Variants in SLC25A48 observed in about 807,000 individuals in gnomAD.
SLC25A48 encodes CTC-321K16.1.
Under a neutral mutation model 32.2 loss-of-function variants are expected in SLC25A48, and 29 were observed. The ratio of observed to expected loss-of-function variants is 0.90; its 90% CI spans 0.67 to 1.23. SLC25A48 has a LOEUF of 1.23. Ranked by LOEUF, SLC25A48 falls within the 50% of genes most tolerant of loss-of-function variation. The pLI, the probability that SLC25A48 is intolerant of heterozygous loss-of-function variation, is 0.00. For synonymous variants in SLC25A48, 164 were observed against 172.3 expected (o/e 0.95, Z 0.38); for missense variants, 399 against 422.7 (o/e 0.94, Z 0.49).
chr5:135,708,643 A>G (rs1372587702), intron 3 of SLC25A48, among the ~76,000 whole-genome samples: 2 of 152,184 alleles, frequency 1.3e-5, no homozygotes, highest in Non-Finnish European at 2.9e-5. Flanking sequence ...GCTGGGTTCG[A>G]GTCTACAACA....
chr5:135,787,276 T>A (rs1756871540), intron 3 of SLC25A48, among the ~76,000 whole-genome samples: 1 of 152,110 alleles, frequency 6.6e-6, no homozygotes, highest in African/African-American at 2.4e-5. Flanking sequence ...ATCACAGTGC[T>A]TATACAGCCT....
intron 1 of SLC25A48, among the ~76,000 whole-genome samples, chr5:135,588,241 A>G (rs1436285066): frequency 6.6e-6 from 1 of 152,260 alleles, no homozygotes; most frequent in Admixed American, 6.5e-5. Context: ...TTCTTTAAAC[A>G]TGTATTTGAG....
Position 135,800,045 on chromosome 5 carries a change from T to C in SLC25A48, c.-520-12478T>C, listed in dbSNP as rs1053084088. Among the ~76,000 whole-genome samples, 3 of 151,836 alleles carry C rather than the reference T, an allele frequency of 2.0e-5. No individual in the cohort carries two copies. In the South Asian group the frequency reaches 6.2e-4, roughly 31 times the overall value. Reference sequence around the variant, plus strand: ...TCCAGGGGGGACAGGATGATATTACTCCCAATATTGCAGGAACTGTACACC... The same window carrying C: ...TCCAGGGGGGACAGGATGATATTACCCCCAATATTGCAGGAACTGTACACC... On this transcript the variant is annotated intron_variant, in intron 3 of 10. Coordinates refer to the SLC25A48 transcript ENST00000646290.
At chr5:135,670,135 A>G (rs2126941260) in intron 3 of SLC25A48, among the ~76,000 whole-genome samples, 1 of 152,318 alleles carries the variant, frequency 6.6e-6, no homozygotes, top group African/African-American at 2.4e-5. Flanking sequence ...ATTTCAGGGC[A>G]GTAGACCTGA....
At chr5:135,789,633 T>C (rs920826631) in intron 3 of SLC25A48, among the ~76,000 whole-genome samples, 1 of 150,184 alleles carries the variant, frequency 6.7e-6, no homozygotes, top group African/African-American at 2.5e-5. Context: ...TGGCGGGGGG[T>C]GTACAGCCTT....
At chr5:135,862,220 C>T (rs1182731827) in intron 4 of SLC25A48, among the ~76,000 whole-genome samples, 1 of 152,238 alleles carries the variant, frequency 6.6e-6, no homozygotes, top group Non-Finnish European at 1.5e-5. Context: ...CCATGTCCTT[C>T]CTAGAAGTTC....
rs75244523 is a variant in SLC25A48, at chr5:135,837,148, G to T, written c.46+2255G>T. On this transcript the variant is annotated intron_variant, in intron 1 of 7. Coordinates refer to ENST00000681962, the MANE Select transcript of SLC25A48 (RefSeq NM_001349336.2). ...TTGGCCCAAGGCTGGATCTAAGCCT[G>T]CCCTGAGCTGAAGGATGTGTGCACT... 3.8e-4 allele frequency among the ~76,000 whole-genome samples: 58 copies of T among 152,172 alleles called. 1 individual carries two copies. The East Asian group carries it at 9.7e-3, about 25-fold the overall frequency.
chr5:135,881,335 C>T (rs552713478), intron 7 of SLC25A48, among the ~76,000 whole-genome samples: 47 of 152,310 alleles, frequency 3.1e-4, no homozygotes, highest in South Asian at 1.9e-3. Context: ...ATTCTCGGGA[C>T]GGCAGAGCCC....
intron 4 of SLC25A48, among the ~76,000 whole-genome samples, chr5:135,865,733 C>T (rs978110231): frequency 6.6e-6 from 1 of 152,130 alleles, no homozygotes; most frequent in Non-Finnish European, 1.5e-5. Flanking sequence ...AGAGGCAAGC[C>T]ATACTAGGGG....
At chr5:135,688,780 AAT>A (rs1754076784) in intron 3 of SLC25A48, among the ~76,000 whole-genome samples, 2 of 152,172 alleles carry the variant, frequency 1.3e-5, no homozygotes, top group Non-Finnish European at 2.9e-5. Context: ...TAAATTGTAC[AAT>A]GGAGAGATGC....
intron 3 of SLC25A48, among the ~76,000 whole-genome samples, chr5:135,785,377 G>A (rs970414368): frequency 1.3e-5 from 2 of 149,994 alleles, no homozygotes; most frequent in African/African-American, 4.9e-5. Context: ...CCTCCCCGCC[G>A]CTTGCCCTAT....
intron 3 of SLC25A48, among the ~76,000 whole-genome samples, chr5:135,712,746 C>A (rs1338261728): frequency 6.6e-6 from 1 of 152,224 alleles, no homozygotes; most frequent in Non-Finnish European, 1.5e-5. Context: ...CGCATCTGCC[C>A]CTTGCACTTG....
At chr5:135,792,080 A>G (rs1385648869) in intron 3 of SLC25A48, among the ~76,000 whole-genome samples, 4 of 151,716 alleles carry the variant, frequency 2.6e-5, no homozygotes, top group African/African-American at 7.3e-5. Context: ...TATTACTCCT[A>G]ATGTCACAGT....
At chr5:135,672,371 T>G (rs1275080871) in intron 3 of SLC25A48, among the ~76,000 whole-genome samples, 2 of 152,242 alleles carry the variant, frequency 1.3e-5, no homozygotes, top group African/African-American at 2.4e-5. Context: ...GCAGCTGTCA[T>G]CGGTGCCTGA....
chr5:135,838,856 G>T (rs1038753037), intron 1 of SLC25A48, among the ~76,000 whole-genome samples: 1 of 152,228 alleles, frequency 6.6e-6, no homozygotes, highest in Non-Finnish European at 1.5e-5. Flanking sequence ...TGCAGGGGTG[G>T]GGCCCTCATG....
intron 3 of SLC25A48, among the ~76,000 whole-genome samples, chr5:135,653,671 G>A (rs1198018772): frequency 6.6e-6 from 1 of 152,182 alleles, no homozygotes. Context: ...AGAGTCAGAG[G>A]GAGGGAGAAG....
intron 3 of SLC25A48, among the ~76,000 whole-genome samples, chr5:135,794,277 G>C (rs1232829890): frequency 6.6e-6 from 1 of 151,332 alleles, no homozygotes; most frequent in African/African-American, 2.4e-5. Context: ...ATATTGCGGG[G>C]GATATCCTTT....
intron 1 of SLC25A48, among the ~76,000 whole-genome samples, chr5:135,617,728 G>C (rs986024652): frequency 1.3e-5 from 2 of 151,552 alleles, no homozygotes; most frequent in Non-Finnish European, 2.9e-5. Context: ...TCATTCAGGG[G>C]CATGCTGTTT....
intron 3 of SLC25A48, among the ~76,000 whole-genome samples, chr5:135,769,464 A>G (rs1209327148): frequency 6.6e-6 from 1 of 151,748 alleles, no homozygotes; most frequent in Non-Finnish European, 1.5e-5. Flanking sequence ...CCCCACTGTG[A>G]TACAGTTTGT....
Sources: allele counts gnomAD v4.1 joint callset (sites outside exome capture counted in the v4.1 genomes callset), GRCh38; gene constraint gnomAD v4.1.1; transcripts MANE v1.5; gene names NCBI Gene and HGNC (gene_info 2026-07-23, HGNC 2026-07-21).